KIAA1328: variants seen among roughly 807,000 people sequenced by gnomAD.
The protein encoded by KIAA1328 is KIAA1328, also known as protein hinderin.
In KIAA1328, 52 loss-of-function variants were observed where a neutral mutation model predicts 68.1. The observed-to-expected ratio is 0.76, with a 90% CI of 0.61 to 0.96. KIAA1328 has a LOEUF of 0.96. Ranked by LOEUF, KIAA1328 falls within the 40% of genes least tolerant of loss-of-function variation. The probability of loss-of-function intolerance (pLI) is 0.00; values close to 1 mark genes in which losing one functional copy is unlikely to be tolerated. For missense variants in KIAA1328, 641 were observed against 677.6 expected, an observed-to-expected ratio of 0.95 and a Z score of 0.60; for synonymous variants, 232 against 239.4, an observed-to-expected ratio of 0.97 and a Z score of 0.28.
intron 7 of KIAA1328, among the ~76,000 whole-genome samples, chr18:37,123,659 G>A (rs2058325145): frequency 6.6e-6 from 1 of 152,018 alleles, no homozygotes; most frequent in African/African-American, 2.4e-5. Flanking sequence ...TATGTGATTT[G>A]GTTTAAAGGA....
Position 37,003,312 on chromosome 18 carries a change from A to C in KIAA1328, c.576+43877A>C, listed in dbSNP as rs1220071266. Reference sequence around the variant, plus strand: ...AATTTATGAATAAGAACTCAAAAGCACAGGCAACAAAATAAAAAATGGGCG... The same window carrying C: ...AATTTATGAATAAGAACTCAAAAGCCCAGGCAACAAAATAAAAAATGGGCG... On this transcript the variant is annotated intron_variant, in intron 6 of 9. Coordinates refer to ENST00000280020, the MANE Select transcript of KIAA1328 (RefSeq NM_020776.3). 2.0e-5 allele frequency among the ~76,000 whole-genome samples: 3 copies of C among 152,176 alleles called. No homozygotes were observed. In the East Asian group the frequency reaches 5.8e-4, roughly 29 times the overall value.
chr18:36,890,586 G>A (rs1307143384), intron 5 of KIAA1328, among the ~76,000 whole-genome samples: 2 of 152,112 alleles, frequency 1.3e-5, no homozygotes, highest in Admixed American at 1.3e-4. Flanking sequence ...CATGAGAATC[G>A]CTTGAACCTG....
rs114892765 is a variant in KIAA1328, at chr18:37,106,236, C to T, written c.1232+38691C>T. 2.4e-3 allele frequency among the ~76,000 whole-genome samples: 369 copies of T among 151,970 alleles called. 1 individual carries two copies. Among genetic ancestry groups the T allele is most frequent in the African/African-American group, 8.3e-3 (343 of 41,466 alleles). On this transcript the variant is annotated intron_variant, in intron 7 of 9. Transcript: ENST00000280020. ...TTACAACATGGATAAACCTTGAAAA[C>T]GTGCTATGATTTCATTTGTATGAAA...
chr18:37,058,542 G>A (rs1476614375), intron 6 of KIAA1328, among the ~76,000 whole-genome samples: 1 of 151,922 alleles, frequency 6.6e-6, no homozygotes, highest in Non-Finnish European at 1.5e-5. Flanking sequence ...GTGAAACCCT[G>A]TCTCTACTAA....
intron 6 of KIAA1328, among the ~76,000 whole-genome samples, chr18:36,988,240 C>T (rs996688171): frequency 3.3e-5 from 5 of 152,032 alleles, no homozygotes; most frequent in African/African-American, 4.8e-5. Context: ...CCAGATAATT[C>T]GACTTTTAAA....
At chr18:37,191,474 G>C (rs2059903455) in intron 9 of KIAA1328, among the ~76,000 whole-genome samples, 1 of 152,122 alleles carries the variant, frequency 6.6e-6, no homozygotes. Context: ...TCATATTTGA[G>C]TCAGAGGTAT....
chr18:37,011,773 A>G (rs1427725801), intron 6 of KIAA1328, among the ~76,000 whole-genome samples: 1 of 152,214 alleles, frequency 6.6e-6, no homozygotes, highest in Non-Finnish European at 1.5e-5. Flanking sequence ...GGAAAACTAC[A>G]GAGACATAAA....
intron 7 of KIAA1328, among the ~76,000 whole-genome samples, chr18:37,122,966 ATGT>A (rs1304343920): frequency 6.6e-6 from 1 of 152,170 alleles, no homozygotes; most frequent in Non-Finnish European, 1.5e-5. Flanking sequence ...GTAGTAATGT[ATGT>A]TATAAGACAG....
At position 37,039,750 on chromosome 18, in the gene KIAA1328, C is replaced by T. The variant is rs117709792; in HGVS notation, c.577-27140C>T. Among the ~76,000 whole-genome samples the T allele has an allele frequency of 6.6e-3, 1,012 of 152,246 alleles. 5 individuals are homozygous for T. Among genetic ancestry groups the T allele is most frequent in the Non-Finnish European group, 0.011 (759 of 68,008 alleles). On this transcript the variant is annotated intron_variant, in intron 6 of 9. Coordinates refer to ENST00000280020, the MANE Select transcript of KIAA1328 (RefSeq NM_020776.3). ...GTGAAACAGATTATAACAAACTTAG[C>T]AGCTTTTTCATTATATTATCTATTA...
At chr18:37,033,912 G>T (rs2054929132) in intron 6 of KIAA1328, among the ~76,000 whole-genome samples, 2 of 152,176 alleles carry the variant, frequency 1.3e-5, no homozygotes, top group South Asian at 4.1e-4. Flanking sequence ...TATACATACA[G>T]TGCCTGAATA....
intron 7 of KIAA1328, among the ~76,000 whole-genome samples, chr18:37,122,329 G>C (rs2058291947): frequency 6.6e-6 from 1 of 152,074 alleles, no homozygotes; most frequent in Admixed American, 6.6e-5. Context: ...AATGGGCTTT[G>C]GATTGAGTGG....
chr18:36,940,512 T>G (rs1265771193), intron 5 of KIAA1328, among the ~76,000 whole-genome samples: 1 of 152,158 alleles, frequency 6.6e-6, no homozygotes, highest in African/African-American at 2.4e-5. Context: ...GCTGTAGTTG[T>G]GAAGCATTTG....
Position 37,067,096 on chromosome 18 carries a change from G to T in KIAA1328, c.783G>T (p.Lys261Asn), listed in dbSNP as rs1177460800. The change falls in exon 7 of 10, where the codon AAG becomes AAT. Residue 261 changes from lysine to asparagine, a missense_variant. By Grantham distance (94) the Lys-to-Asn change is moderately conservative. Coordinates refer to ENST00000280020, the MANE Select transcript of KIAA1328 (RefSeq NM_020776.3). Reference protein sequence around the residue: ...TLHHPKDDLDKIPSETTTCNC... With the variant: ...TLHHPKDDLDNIPSETTTCNC... ...ATCATCCCAAAGATGATCTAGATAA[G>T]ATACCATCAGAGACCACAACATGTA... The T allele has an allele frequency of 6.2e-7, 1 of 1,613,990 alleles. No homozygotes were observed. The highest frequency in any genetic ancestry group is 2.2e-5 in the East Asian group (1 of 44,876).
At chr18:36,856,964 T>A (rs1326002620) in intron 4 of KIAA1328, among the ~76,000 whole-genome samples, 2 of 152,160 alleles carry the variant, frequency 1.3e-5, no homozygotes, top group African/African-American at 4.8e-5. Flanking sequence ...TGACTTGACC[T>A]TGAACCACTG....
chr18:36,939,700 C>G (rs2050634021), intron 5 of KIAA1328, among the ~76,000 whole-genome samples: 1 of 152,032 alleles, frequency 6.6e-6, no homozygotes, highest in Non-Finnish European at 1.5e-5. Flanking sequence ...AACTTTTCAC[C>G]ATTGAGTATA....
chr18:37,031,923 T>C (rs1433296115), intron 6 of KIAA1328, among the ~76,000 whole-genome samples: 1 of 152,156 alleles, frequency 6.6e-6, no homozygotes, highest in Admixed American at 6.6e-5. Flanking sequence ...TTGCAGCACT[T>C]TGGGAGGCTG....
chr18:37,077,305 A>G (rs1183938049), intron 7 of KIAA1328, among the ~76,000 whole-genome samples: 3 of 130,808 alleles, frequency 2.3e-5, no homozygotes, highest in East Asian at 2.0e-4. Context: ...TAAAAACTCA[A>G]TAAATTAGGT....
chr18:36,887,598 C>A (rs1221939260), intron 5 of KIAA1328, among the ~76,000 whole-genome samples: 1 of 152,096 alleles, frequency 6.6e-6, no homozygotes, highest in Non-Finnish European at 1.5e-5. Flanking sequence ...TCCCTACTCC[C>A]CACCCAGTGG....
Position 37,224,079 on chromosome 18 carries a change from C to T in KIAA1328, c.*1852C>T. 1 of 985,226 alleles carries T rather than the reference C, an allele frequency of 1.0e-6. No individual in the cohort carries two copies. Among genetic ancestry groups the T allele is most frequent in the South Asian group, 4.7e-5 (1 of 21,274 alleles). 61.0% of individuals were successfully genotyped at this position (985,226 alleles called of 1,614,324 possible). The stretch of plus-strand genomic sequence containing the variant: ...AATGGGTGGATGGCAAACTAAGAGC[C>T]CTCAGCCATTTTTTCAGTTAAAGTT... On this transcript the variant is annotated 3_prime_UTR_variant, in exon 10 of 10. Coordinates refer to ENST00000280020, the MANE Select transcript of KIAA1328 (RefSeq NM_020776.3).
Sources: allele counts gnomAD v4.1 joint callset (sites outside exome capture counted in the v4.1 genomes callset), GRCh38; gene constraint gnomAD v4.1.1; transcripts MANE v1.5; gene names NCBI Gene and HGNC (gene_info 2026-07-23, HGNC 2026-07-21).